The following COL16A1 variants were observed in gnomAD, a reference collection of about 807,000 sequenced individuals.
The protein encoded by COL16A1 is collagen alpha-1(XVI) chain.
A neutral mutation model predicts 266.3 loss-of-function variants in COL16A1; 189 were observed. The observed-to-expected ratio is 0.71, with a 90% confidence interval of 0.63 to 0.80. COL16A1 has a LOEUF of 0.80. Among genes scored for constraint, COL16A1 ranks in the 30% least tolerant of loss-of-function variants. The probability of loss-of-function intolerance (pLI) is 0.00; values close to 1 mark genes in which losing one functional copy is unlikely to be tolerated. For synonymous variants in COL16A1, 740 were observed against 782.3 expected (o/e 0.95, Z 0.90); for missense variants, 1,928 against 2,122.4 (o/e 0.91, Z 1.80).
At chr1:31,683,803 CT>C in intron 33 of COL16A1, 55 bp from the exon 34 acceptor site, 6 of 1,613,274 alleles carry the variant, frequency 3.7e-6, no homozygotes, top group South Asian at 3.3e-5. Flanking sequence ...ACCCTTTCCC[CT>C]TCTCCCCAGC....
rs1241658390 is a variant in COL16A1 at position 31,675,103 on chromosome 1, C to T, written c.2827-64G>A. 1.2e-5 allele frequency: 20 copies of T among 1,611,396 alleles called. No individual in the cohort carries two copies. In the South Asian group the frequency reaches 2.1e-4, roughly 17 times the overall value. Reference sequence around the variant, plus strand: ...GAAGGAACATGGAGACTTATGGGATCAGGGAGAGCCTTGGGACACGTCATG... The same window carrying T: ...GAAGGAACATGGAGACTTATGGGATTAGGGAGAGCCTTGGGACACGTCATG... On this transcript the variant is annotated intron_variant, in intron 43 of 70. Transcript: ENST00000373672.
intron 39 of COL16A1, 72 bp downstream of exon 39, chr1:31,680,833 C>A: frequency 1.2e-6 from 2 of 1,610,556 alleles, no homozygotes; most frequent in African/African-American, 2.7e-5. Flanking sequence ...CCCCAGAGTA[C>A]GGGTCACAGG....
chr1:31,671,006 G>C (rs1172779214), intron 48 of COL16A1, among the ~76,000 whole-genome samples: 1 of 152,152 alleles, frequency 6.6e-6, no homozygotes, highest in African/African-American at 2.4e-5. Context: ...GGGCTCCCTG[G>C]CTCTAAGACA....
intron 23 of COL16A1, 160 bp from the exon 24 acceptor site, chr1:31,689,245 A>C: frequency 8.5e-7 from 1 of 1,178,144 alleles, no homozygotes; most frequent in Non-Finnish European, 1.2e-6. Flanking sequence ...AGGGTTCATC[A>C]ACCCACATAA....
intron 44 of COL16A1, 140 bp downstream of exon 44, chr1:31,674,867 T>A: frequency 7.2e-7 from 1 of 1,390,386 alleles, no homozygotes; most frequent in Non-Finnish European, 9.8e-7. Flanking sequence ...CTAGGCCCTC[T>A]TAGACAGATG....
rs1040246110 is a variant in COL16A1 at position 31,674,021 on chromosome 1, G to A, written c.2859+986C>T. Among the ~76,000 whole-genome samples the A allele has an allele frequency of 3.8e-4, 58 of 152,224 alleles. 1 individual carries two copies. Among genetic ancestry groups the A allele is most frequent in the Non-Finnish European group, 8.8e-5 (6 of 68,036 alleles). ...ACAGAAGCAGAGGGGAGAAGAGCTG[G>A]GGGTTTCGTTGCCACAACCTCACTG... On this transcript the variant is annotated intron_variant, in intron 44 of 70. Transcript: ENST00000373672.
chr1:31,699,491 C>T (rs113816971), intron 4 of COL16A1, among the ~76,000 whole-genome samples: 29 of 151,978 alleles, frequency 1.9e-4, no homozygotes, highest in Non-Finnish European at 3.7e-4. Context: ...CACGCATGTG[C>T]GCACACACAC....
Position 31,667,625 on chromosome 1 carries a change from T to G in COL16A1, c.3307A>C (p.Ile1103Leu), listed in dbSNP as rs1247591823. 6.2e-7 allele frequency: 1 copy of G among 1,605,846 alleles called. No homozygotes were observed. Residue 1103 changes from isoleucine to leucine, a missense_variant, in exon 52 of 71, where the codon ATC (isoleucine) becomes CTC (leucine). Transcript: ENST00000373672. ...CCGGTGTAGCCACGCTCCCCCTTGA[T>G]GCCCTGACAAGTGGCAAAGAGACAG... is the stretch of plus-strand genomic sequence containing the variant. ...GATGPPGLPGIKGERGYTGSA... is the reference protein window; with the variant it reads ...GATGPPGLPGLKGERGYTGSA...
In COL16A1 at chr1:31,654,809, A is replaced by T. The variant is rs1290664337; in HGVS notation, c.4340T>A (p.Ile1447Asn). 2 of 1,613,844 alleles carry T rather than the reference A, an allele frequency of 1.2e-6. No homozygotes were observed. Residue 1447 changes from isoleucine (I) to asparagine (N), a missense_variant, in exon 68 of 71, where the codon ATC becomes AAC. Coordinates refer to ENST00000373672, the MANE Select transcript of COL16A1 (RefSeq NM_001856.4). ...CCAGTTACCATCAAACATTTTAATG[A>T]TCTCTTGTCTGATGAACCTCTTGAT... is the stretch of plus-strand genomic sequence containing the variant. ...DEIKRFIRQE[I>N]IKMFDERMAY... is the part of the protein sequence containing the mutation.
At chr1:31,671,530 T>C (rs1458021804) in intron 48 of COL16A1, 85 bp downstream of exon 48, 1 of 1,562,456 alleles carries the variant, frequency 6.4e-7, no homozygotes, top group Non-Finnish European at 8.8e-7. Flanking sequence ...CCCAGCCTTT[T>C]GGGGACAAGG....
chr1:31,672,261 C>T (rs1642783897), intron 47 of COL16A1, among the ~76,000 whole-genome samples, 155 bp downstream of exon 47: 1 of 151,774 alleles, frequency 6.6e-6, no homozygotes, highest in Admixed American at 6.6e-5. Flanking sequence ...TACGCTGGGT[C>T]CTGTGTATCC....
At chr1:31,655,743 T>A in intron 66 of COL16A1, 1 of 632,706 alleles carries the variant, frequency 1.6e-6, no homozygotes. Flanking sequence ...AAAGCACTCA[T>A]TCGTTGGCCG....
Position 31,684,207 on chromosome 1 carries a change from T to G in COL16A1, c.2185A>C (p.Ser729Arg), listed in dbSNP as rs1643864503. 2.6e-6 allele frequency: 4 copies of G among 1,517,754 alleles called. No individual in the cohort carries two copies. The highest frequency in any genetic ancestry group is 3.5e-6 in the Non-Finnish European group (4 of 1,129,834). The allele number at this position is 1,517,754 out of a possible 1,614,324, so 94.0% of individuals were successfully genotyped here. A position where few individuals can be genotyped will look rare whatever the true frequency, so the allele number is the denominator to read the frequency against. ...ATGTCTGTCACTGTCCCCTGCAGGCTGGGGCAGGCAGTGCAGCCATCACCC... is the reference window on the plus strand; with the variant it reads ...ATGTCTGTCACTGTCCCCTGCAGGCGGGGGCAGGCAGTGCAGCCATCACCC... ...EKGDGCTACPSLQGTVTDMAG... is the reference protein window; with the variant it reads ...EKGDGCTACPRLQGTVTDMAG... Residue 729 changes from serine to arginine, a missense_variant, in exon 32 of 71, where the codon AGC becomes CGC. Physicochemically the swap from Ser to Arg is moderately radical, Grantham distance 110. Coordinates refer to ENST00000373672, the MANE Select transcript of COL16A1 (RefSeq NM_001856.4).
Position 31,688,961 on chromosome 1 carries a change from C to A in COL16A1, c.1667G>T (p.Cys556Phe), listed in dbSNP as rs565116526. 29 of 1,614,152 alleles carry A rather than the reference C, an allele frequency of 1.8e-5. No individual in the cohort carries two copies. The South Asian group carries it at 3.1e-4, about 17-fold the overall frequency. The part of the protein sequence containing the change: ...QGIKGEKGEP[C>F]LSCSSVVGAQ... ...CCCTACAACCGAGCTGCAGGACAAG[C>A]AGGGCTCCCCCTGGGGAAAGAAGAG... The change falls in exon 25 of 71, where the codon TGC becomes TTC. Residue 556 changes from cysteine (C) to phenylalanine (F), a missense_variant. Physicochemically the swap from Cys to Phe is radical, Grantham distance 205. Transcript: ENST00000373672. This position sits in a 1 kb window ranked among gnomAD's most constrained non-coding sequence, Gnocchi z 4.9.
Position 31,672,443 on chromosome 1 carries a change from C to G in COL16A1, c.3078G>C (p.Pro1026=). The change falls in exon 47 of 71, where the codon CCG becomes CCC. Residue 1026 remains proline, a synonymous_variant. Transcript: ENST00000373672. ...CTTCTCCTCTCTGGCCTGGCAATCC[C>G]GGAGGACCAGGTAGGCCTGGGCTCC... is the stretch of plus-strand genomic sequence containing the variant. ...CVGSPGLPGP[P]GLPGQRGEEG... 6.2e-7 allele frequency: 1 copy of G among 1,614,164 alleles called. No homozygotes were observed. Among genetic ancestry groups the G allele is most frequent in the South Asian group, 1.1e-5 (1 of 91,090 alleles).
At position 31,692,747 on chromosome 1, in the gene COL16A1, G is replaced by C; in HGVS notation, c.1113+20C>G. 1 of 1,613,520 alleles carries C rather than the reference G, an allele frequency of 6.2e-7. No homozygotes were observed. The highest frequency in any genetic ancestry group is 8.5e-7 in the Non-Finnish European group (1 of 1,179,438). Reference sequence around the variant, plus strand: ...TGGCCCCATATTGGCCCTGAAGCAGGCATCACCTCCAAGTCTTACCTGAAG... The same window carrying C: ...TGGCCCCATATTGGCCCTGAAGCAGCCATCACCTCCAAGTCTTACCTGAAG... On this transcript the variant is annotated intron_variant, in intron 14 of 70. Transcript: ENST00000373672.
Position 31,685,163 on chromosome 1 carries a change from G to A in COL16A1, c.2017-307C>T, listed in dbSNP as rs1266731510. On this transcript the variant is annotated intron_variant, in intron 29 of 70. Transcript: ENST00000373672. This position sits in a 1 kb window ranked among gnomAD's most constrained non-coding sequence, Gnocchi z 4.0. ...GAGGTTAGACAAGCTAATATGTCGT[G>A]TGCAGCAGTGCCTGGCACATAGTGT... Among the ~76,000 whole-genome samples the A allele has an allele frequency of 6.6e-6, 1 of 152,192 alleles. No individual in the cohort carries two copies. Among genetic ancestry groups the A allele is most frequent in the Non-Finnish European group, 1.5e-5 (1 of 68,026 alleles).
intron 42 of COL16A1, chr1:31,679,409 G>A: frequency 1.9e-6 from 3 of 1,546,238 alleles, no homozygotes; most frequent in Non-Finnish European, 2.6e-6. Context: ...GACAGCTGAC[G>A]CAACAGTGCA....
rs1644807231 is a variant in COL16A1, at chr1:31,703,864, T to C, written c.-62A>G. 6.6e-6 allele frequency: 1 copy of C among 152,616 alleles called. No individual in the cohort carries two copies. The highest frequency in any genetic ancestry group is 1.5e-5 in the Non-Finnish European group (1 of 68,388). The allele number at this position is 152,616 out of a possible 1,614,324, so 9.5% of individuals were successfully genotyped here. A position where few individuals can be genotyped will look rare whatever the true frequency, so the allele number is the denominator to read the frequency against. ...GTGGCCGGGGATCCCCCCACCTCAC[T>C]GAGCAGTCCAGGCAGCAGGCGGAGG... On this transcript the variant is annotated 5_prime_UTR_variant, in exon 1 of 71. Transcript: ENST00000373672.
Sources: gnomAD v4.1 joint callset for allele counts (sites outside exome capture counted in the v4.1 genomes callset) on GRCh38, gnomAD v4.1.1 for gene constraint, Gnocchi (gnomAD v3.1) non-coding constraint, MANE v1.5 for transcripts, NCBI Gene and HGNC (gene_info 2026-07-23, HGNC 2026-07-21) for gene names.